KIF13B: variants seen among roughly 807,000 people sequenced by gnomAD.
KIF13B encodes kinesin family member 13B, also known as kinesin-like protein KIF13B.
KIF13B carries 127 observed loss-of-function variants against 222.0 expected under a neutral mutation model. The observed-to-expected ratio is 0.57, with a 90% CI of 0.50 to 0.66. The LOEUF is 0.66. Among genes scored for constraint, KIF13B ranks in the 30% least tolerant of loss-of-function variants. KIF13B has a pLI of 0.00. For synonymous variants in KIF13B, 976 were observed against 919.0 expected, an observed-to-expected ratio of 1.06 and a Z score of -1.12; for missense variants, 2,173 against 2,379.0, an observed-to-expected ratio of 0.91 and a Z score of 1.80.
rs1284836248 is a variant in KIF13B, at chr8:29,118,980, C to G, written c.3548G>C (p.Ser1183Thr). Residue 1183 changes from serine (S) to threonine (T), a missense_variant, in exon 30 of 40, where the codon AGC becomes ACC. This residue lies in a region of KIF13B where 1,480 missense variants were observed against 1,722.8 expected (regional missense o/e 0.86). Coordinates refer to ENST00000524189, the MANE Select transcript of KIF13B (RefSeq NM_015254.4). ...IFLDLNADDFSSQDNLDDPEA... is the reference protein window; with the variant it reads ...IFLDLNADDFTSQDNLDDPEA... ...TGGGTCATCAAGATTATCCTGAGAG[C>G]TGAAATCATCAGCTAAAAGCAAAGA... is the stretch of plus-strand genomic sequence containing the variant. The G allele has an allele frequency of 3.1e-6, 5 of 1,613,308 alleles. No homozygotes were observed. Among genetic ancestry groups the G allele is most frequent in the Non-Finnish European group, 4.2e-6 (5 of 1,179,696 alleles).
intron 35 of KIF13B, among the ~76,000 whole-genome samples, chr8:29,107,595 T>C (rs1200064744): frequency 6.6e-6 from 1 of 150,540 alleles, no homozygotes; most frequent in Non-Finnish European, 1.5e-5. Context: ...AGAGTCTCGC[T>C]GTTGCCCAGG....
chr8:29,121,247 A>G (rs1442542307), intron 29 of KIF13B, among the ~76,000 whole-genome samples: 9 of 67,554 alleles, frequency 1.3e-4, no homozygotes, highest in Non-Finnish European at 1.9e-4. Flanking sequence ...CGCATTGCCA[A>G]GTCAATCCTA....
rs1812920349 is a variant in KIF13B, at chr8:29,186,222, T to G, written c.497+70A>C. ...GACCCTCTGAAAAAATTAAAAAGATTTGCACTTAAGCCAATTTAAGTCTGT... is the reference window on the plus strand; with the variant it reads ...GACCCTCTGAAAAAATTAAAAAGATGTGCACTTAAGCCAATTTAAGTCTGT... On this transcript the variant is annotated intron_variant, in intron 6 of 39. Transcript: ENST00000524189. 1.1e-5 allele frequency: 13 copies of G among 1,237,892 alleles called. 1 individual carries two copies. In the South Asian group the frequency reaches 1.9e-4, roughly 18 times the overall value. The allele number at this position is 1,237,892 out of a possible 1,614,324, so 76.7% of individuals were successfully genotyped here. A position where few individuals can be genotyped will look rare whatever the true frequency, so the allele number is the denominator to read the frequency against.
intron 21 of KIF13B, among the ~76,000 whole-genome samples, chr8:29,135,194 T>C (rs552215436): frequency 2.5e-3 from 379 of 152,152 alleles, no homozygotes; most frequent in African/African-American, 8.6e-3. Flanking sequence ...CAGGTGTGTG[T>C]CACCATGCCC....
At position 29,132,290 on chromosome 8, in the gene KIF13B, T is replaced by C. The variant is rs751881442; in HGVS notation, c.2942+18A>G. On this transcript the variant is annotated intron_variant, in intron 23 of 39. Coordinates refer to ENST00000524189, the MANE Select transcript of KIF13B (RefSeq NM_015254.4). ...TTACATATATATAAATGGAATCAGA[T>C]GAACATCTAATATTCACCTGTCCCG... The C allele has an allele frequency of 2.1e-6, 3 of 1,427,044 alleles. No homozygotes were observed. Among genetic ancestry groups the C allele is most frequent in the Admixed American group, 2.6e-5 (1 of 38,494 alleles). 88.4% of individuals were successfully genotyped at this position (1,427,044 alleles called of 1,614,324 possible).
rs878882812 is a variant in KIF13B, at chr8:29,180,036, A to C, written c.720+68T>G. ...GGACTTTAATTCATCTAACACCTGA[A>C]GAGGAAAAAAATAAAACCACAATCC... On this transcript the variant is annotated intron_variant, in intron 8 of 39. Transcript: ENST00000524189. The C allele has an allele frequency of 1.6e-4, 258 of 1,571,074 alleles. 5 individuals are homozygous for C. The South Asian group carries it at 2.6e-3, about 16-fold the overall frequency.
At chr8:29,228,472 A>AAAAAAAAAAAAAAAAAATATATATAT in intron 2 of KIF13B, among the ~76,000 whole-genome samples, 8 of 117,082 alleles carry the variant, frequency 6.8e-5, no homozygotes, top group Non-Finnish European at 1.4e-4. Flanking sequence ...ATCTTAAAAA[A>AAAAAAAAAAAAAAAAAATATATATAT]ATATATATAT....
chr8:29,226,670 C>T (rs966421224), intron 2 of KIF13B, among the ~76,000 whole-genome samples: 3 of 152,156 alleles, frequency 2.0e-5, no homozygotes, highest in Non-Finnish European at 4.4e-5. Flanking sequence ...TAAGAACAGT[C>T]AAGACTAAAT....
At chr8:29,106,252 G>A (rs907571031) in intron 35 of KIF13B, among the ~76,000 whole-genome samples, 1 of 152,144 alleles carries the variant, frequency 6.6e-6, no homozygotes, top group East Asian at 1.9e-4. Context: ...GGGCTCCAGT[G>A]AACGGATAAG....
chr8:29,187,349 G>A (rs910890902), intron 5 of KIF13B, among the ~76,000 whole-genome samples: 5 of 152,160 alleles, frequency 3.3e-5, no homozygotes, highest in African/African-American at 1.2e-4. Flanking sequence ...CCAACATGGT[G>A]AAACCCCTTC....
intron 21 of KIF13B, among the ~76,000 whole-genome samples, chr8:29,137,912 G>A (rs1810638534): frequency 1.3e-5 from 2 of 152,142 alleles, no homozygotes; most frequent in Admixed American, 1.3e-4. Context: ...GGCCAAAGAT[G>A]GGAACATTTG....
intron 35 of KIF13B, among the ~76,000 whole-genome samples, chr8:29,101,866 T>A (rs945752004): frequency 6.6e-5 from 10 of 152,286 alleles, no homozygotes; most frequent in African/African-American, 2.4e-4. Flanking sequence ...CTCCTCCAGC[T>A]GACGCCTACG....
At chr8:29,226,552 TG>T (rs910659645) in intron 2 of KIF13B, among the ~76,000 whole-genome samples, 1 of 152,156 alleles carries the variant, frequency 6.6e-6, no homozygotes, top group Admixed American at 6.5e-5. Flanking sequence ...ATCCAACCCT[TG>T]GAGCAATTCC....
chr8:29,125,819 C>A lies in KIF13B; in HGVS notation c.3252+663G>T, dbSNP rs140879408. The stretch of plus-strand genomic sequence containing the variant: ...GAAGAAAGATCTAGCTTAAAAAATG[C>A]AAAATTCAGTCGGGCGCGGTGGCTC... On this transcript the variant is annotated intron_variant, in intron 26 of 39. Transcript: ENST00000524189. 4.5e-3 allele frequency among the ~76,000 whole-genome samples: 684 copies of A among 151,786 alleles called. 2 individuals carry two copies. The highest frequency in any genetic ancestry group is 0.016 in the African/African-American group (647 of 41,410).
intron 37 of KIF13B, among the ~76,000 whole-genome samples, chr8:29,077,637 A>T (rs1023710162): frequency 2.0e-5 from 3 of 152,246 alleles, no homozygotes; most frequent in Non-Finnish European, 4.4e-5. Flanking sequence ...CTTTTCTAAA[A>T]TCACATGATT....
rs1586831080 is a variant in KIF13B at position 29,139,936 on chromosome 8, C to A, written c.2613+127G>T. On this transcript the variant is annotated intron_variant, in intron 21 of 39. Coordinates refer to ENST00000524189, the MANE Select transcript of KIF13B (RefSeq NM_015254.4). ...GAACATAATACTTACCATCTAAAGA[C>A]CTGCAGTTCTCAAAATCAGCTATTA... The A allele has an allele frequency of 1.0e-5, 8 of 801,956 alleles. No homozygotes were observed. In the East Asian group the frequency reaches 2.2e-4, roughly 22 times the overall value. 49.7% of individuals were successfully genotyped at this position (801,956 alleles called of 1,614,324 possible). A position where few individuals can be genotyped will look rare whatever the true frequency, so the allele number is the denominator to read the frequency against.
chr8:29,081,742 A>G (rs1240964922), intron 37 of KIF13B, among the ~76,000 whole-genome samples: 1 of 152,216 alleles, frequency 6.6e-6, no homozygotes, highest in African/African-American at 2.4e-5. Flanking sequence ...ACTTGCATAC[A>G]TGGCTCGCAT....
chr8:29,152,928 A>C (rs566588050), intron 14 of KIF13B, among the ~76,000 whole-genome samples: 1 of 152,354 alleles, frequency 6.6e-6, no homozygotes, highest in East Asian at 1.9e-4. Context: ...ATGTTATTGC[A>C]CAATTAGTAG....
intron 2 of KIF13B, among the ~76,000 whole-genome samples, chr8:29,226,648 C>T (rs953991907): frequency 1.3e-5 from 2 of 152,190 alleles, no homozygotes; most frequent in African/African-American, 4.8e-5. Flanking sequence ...TACCAGAAAG[C>T]AGTGAAGATC....
Sources: gnomAD v4.1 joint callset for allele counts (sites outside exome capture counted in the v4.1 genomes callset) on GRCh38, gnomAD v4.1.1 for gene constraint, gnomAD v4.1.1 regional missense constraint, MANE v1.5 for transcripts, NCBI Gene and HGNC (gene_info 2026-07-23, HGNC 2026-07-21) for gene names.